Variants in CPNE5 observed in about 807,000 individuals in gnomAD.
CPNE5 encodes the protein copine-5.
CPNE5 carries 42 observed loss-of-function variants against 81.1 expected under a neutral mutation model. The observed-to-expected ratio is 0.52, with a 90% CI of 0.40 to 0.67. CPNE5 has a LOEUF of 0.67. CPNE5 is among the 30% of genes least tolerant of loss of function. The probability of loss-of-function intolerance (pLI) is 0.00; values close to 1 mark genes in which losing one functional copy is unlikely to be tolerated. For synonymous variants in CPNE5, 313 were observed against 321.5 expected, an observed-to-expected ratio of 0.97 and a Z score of 0.28; for missense variants, 612 against 815.5, an observed-to-expected ratio of 0.75 and a Z score of 3.04.
chr6:36,779,552 A>T (rs1767836701), intron 8 of CPNE5, among the ~76,000 whole-genome samples: 1 of 152,176 alleles, frequency 6.6e-6, no homozygotes, highest in Non-Finnish European at 1.5e-5. Flanking sequence ...CCACCAACTC[A>T]TGAGAGGCTC....
intron 1 of CPNE5, among the ~76,000 whole-genome samples, chr6:36,835,215 G>GT (rs1312954007): frequency 1.3e-5 from 2 of 152,234 alleles, no homozygotes; most frequent in African/African-American, 4.8e-5. Flanking sequence ...TTCTTGTTAT[G>GT]TAAAAAATGC....
chr6:36,825,196 C>G (rs112040458), intron 1 of CPNE5, among the ~76,000 whole-genome samples: 9 of 152,286 alleles, frequency 5.9e-5, no homozygotes, highest in African/African-American at 2.2e-4. Flanking sequence ...CACTCATGCC[C>G]CACGCCCTAA....
chr6:36,792,932 G>A (rs1769233242), intron 7 of CPNE5, among the ~76,000 whole-genome samples: 1 of 152,142 alleles, frequency 6.6e-6, no homozygotes, highest in South Asian at 2.1e-4. Context: ...GGCTTGTCCA[G>A]CAGCTCTGTG....
chr6:36,766,047 C>T lies in CPNE5; in HGVS notation c.738-671G>A, dbSNP rs1458647806. Among the ~76,000 whole-genome samples, 1 of 152,112 alleles carries T rather than the reference C, an allele frequency of 6.6e-6. No homozygotes were observed. Among genetic ancestry groups the T allele is most frequent in the Non-Finnish European group, 1.5e-5 (1 of 68,004 alleles). ...GTTCCCATGGCAACAGGCTAGCGGA[C>T]CAGAGCTGGGAGGAGGGAGGTGGAG... On this transcript the variant is annotated intron_variant, in intron 10 of 20. Coordinates refer to ENST00000244751, the MANE Select transcript of CPNE5 (RefSeq NM_020939.2). The surrounding 1 kb of genome is among the most constrained non-coding windows in gnomAD (Gnocchi z 4.2).
chr6:36,782,868 C>CACACAGACAA, intron 8 of CPNE5, among the ~76,000 whole-genome samples: 1 of 142,206 alleles, frequency 7.0e-6, no homozygotes, highest in African/African-American at 2.6e-5. Context: ...CACACACACA[C>CACACAGACAA]AAAACGGCAC....
intron 9 of CPNE5, among the ~76,000 whole-genome samples, chr6:36,777,766 C>CCACACACACACA (rs34423091): frequency 1.5e-4 from 16 of 109,544 alleles, no homozygotes; most frequent in African/African-American, 5.9e-4. Context: ...CCCCCCCCCA[C>CCACACACACACA]CACACACACA....
At chr6:36,817,310 G>A (rs1009770631) in intron 3 of CPNE5, among the ~76,000 whole-genome samples, 6 of 152,096 alleles carry the variant, frequency 3.9e-5, no homozygotes, top group Non-Finnish European at 8.8e-5. Flanking sequence ...GGGCAAAAAG[G>A]GTGAAACTCT....
chr6:36,805,565 G>A (rs79635209), intron 3 of CPNE5, among the ~76,000 whole-genome samples: 3,329 of 152,308 alleles, frequency 0.022, 104 homozygotes, highest in African/African-American at 0.075. Flanking sequence ...GGGAAGGTGC[G>A]CAAGTGTGCA....
At chr6:36,775,892 T>A (rs1236956199) in intron 9 of CPNE5, among the ~76,000 whole-genome samples, 5 of 152,216 alleles carry the variant, frequency 3.3e-5, no homozygotes, top group African/African-American at 1.2e-4. Context: ...ATTCAATAAT[T>A]CTTTTTAAAT....
At chr6:36,748,289 G>A in intron 14 of CPNE5, 22 bp from the exon 15 acceptor site, 2 of 1,613,256 alleles carry the variant, frequency 1.2e-6, no homozygotes, top group South Asian at 2.2e-5. Context: ...AGAACAGCAG[G>A]GGAGTCACCT....
At chr6:36,776,219 C>T (rs903739542) in intron 9 of CPNE5, among the ~76,000 whole-genome samples, 4 of 152,196 alleles carry the variant, frequency 2.6e-5, no homozygotes, top group Admixed American at 6.5e-5. Context: ...CACAACCCGC[C>T]CCAGCTACAT....
chr6:36,743,586 CT>C, intron 20 of CPNE5, 102 bp downstream of exon 20: 2 of 1,155,020 alleles, frequency 1.7e-6, no homozygotes. Context: ...CAGTGCCTCC[CT>C]TCTGGGCCCT....
At chr6:36,802,492 A>G (rs1316442924) in intron 3 of CPNE5, among the ~76,000 whole-genome samples, 2 of 152,138 alleles carry the variant, frequency 1.3e-5, no homozygotes, top group Non-Finnish European at 2.9e-5. Flanking sequence ...ACCACACTGT[A>G]TGCTCCATGA....
rs1352626714 is a variant in CPNE5, at chr6:36,741,387, G to A, written c.*881C>T. ...GGCAGGGCTCAAACCCAGGACTCCT[G>A]TCTCCTAGCCTCATGGGATACAGGG... is the stretch of plus-strand genomic sequence containing the variant. On this transcript the variant is annotated 3_prime_UTR_variant, in exon 21 of 21. Transcript: ENST00000244751. The A allele has an allele frequency of 6.6e-6, 1 of 152,194 alleles. No homozygotes were observed. Among genetic ancestry groups the A allele is most frequent in the African/African-American group, 2.4e-5 (1 of 41,422 alleles). 9.4% of individuals were successfully genotyped at this position (152,194 alleles called of 1,614,324 possible). A position where few individuals can be genotyped will look rare whatever the true frequency, so the allele number is the denominator to read the frequency against.
At chr6:36,780,123 C>T (rs1379622025) in intron 8 of CPNE5, among the ~76,000 whole-genome samples, 1 of 152,158 alleles carries the variant, frequency 6.6e-6, no homozygotes, top group Non-Finnish European at 1.5e-5. Flanking sequence ...GCCACCACAC[C>T]TAGCTAATTT....
Position 36,791,583 on chromosome 6 carries a change from C to T in CPNE5, c.528+450G>A, listed in dbSNP as rs562881300. 5.3e-5 allele frequency among the ~76,000 whole-genome samples: 8 copies of T among 152,308 alleles called. No homozygotes were observed. The South Asian group carries it at 1.7e-3, about 32-fold the overall frequency. On this transcript the variant is annotated intron_variant, in intron 8 of 20. Transcript: ENST00000244751. ...CCCAACACATGCGTACGCACAGACA[C>T]ACTCCATCCGCCCCATGCAGGGTGT...
intron 3 of CPNE5, among the ~76,000 whole-genome samples, chr6:36,805,863 T>C (rs1390381714): frequency 6.6e-6 from 1 of 152,176 alleles, no homozygotes; most frequent in Non-Finnish European, 1.5e-5. Flanking sequence ...CAGTGTTAAT[T>C]ACATACCATC....
chr6:36,812,404 GTACTGTTTAATAATAAAAAGAATATT>G (rs1000027565), intron 3 of CPNE5, among the ~76,000 whole-genome samples: 2 of 152,142 alleles, frequency 1.3e-5, no homozygotes, highest in Non-Finnish European at 2.9e-5. Context: ...TTGCCTGATG[GTACTGTTTAATAATAAAAAGAATATT>G]TACAGGTCCT....
At chr6:36,834,999 G>A (rs564060301) in intron 1 of CPNE5, among the ~76,000 whole-genome samples, 6 of 152,184 alleles carry the variant, frequency 3.9e-5, no homozygotes, top group South Asian at 4.1e-4. Context: ...ACGCCAACCC[G>A]AACAGACAGC....
Sources: allele counts gnomAD v4.1 joint callset (sites outside exome capture counted in the v4.1 genomes callset), GRCh38; gene constraint gnomAD v4.1.1; non-coding constraint Gnocchi (gnomAD v3.1); transcripts MANE v1.5; gene names NCBI Gene and HGNC (gene_info 2026-07-23, HGNC 2026-07-21).